Variants in SLC45A3 observed in about 807,000 individuals in gnomAD.
SLC45A3 encodes the protein prostate cancer associated protein 2.
Under a neutral mutation model 35.3 loss-of-function variants are expected in SLC45A3, and 17 were observed. That is an observed-to-expected ratio of 0.48 (90% CI 0.33 to 0.72). The LOEUF (loss-of-function observed/expected upper bound fraction) is 0.72, where lower values mean the gene tolerates loss of function less well. Among genes scored for constraint, SLC45A3 ranks in the 30% least tolerant of loss-of-function variants. SLC45A3 has a pLI of 0.02. For synonymous variants in SLC45A3, 288 were observed against 334.3 expected, an observed-to-expected ratio of 0.86 and a Z score of 1.51; for missense variants, 597 against 731.7, an observed-to-expected ratio of 0.82 and a Z score of 2.12.
chr1:205,664,877 C>T lies in SLC45A3; in HGVS notation c.-221G>A, dbSNP rs1307950445. ...GCACCTCAGTGGGGACACGTCTCAT[C>T]ACTCAGATCCTAGAAGGGCGGGGCA... On this transcript the variant is annotated 5_prime_UTR_variant, in exon 2 of 5. Transcript: ENST00000367145. The surrounding 1 kb of genome is among the most constrained non-coding windows in gnomAD (Gnocchi z 5.3). The T allele has an allele frequency of 7.2e-7, 1 of 1,391,904 alleles. No individual in the cohort carries two copies. Among genetic ancestry groups the T allele is most frequent in the East Asian group, 2.7e-5 (1 of 37,676 alleles). The allele number at this position is 1,391,904 out of a possible 1,614,324, so 86.2% of individuals were successfully genotyped here.
chr1:205,662,775 A>G lies in SLC45A3; in HGVS notation c.958+58T>C. On this transcript the variant is annotated intron_variant, in intron 3 of 4. Transcript: ENST00000367145. This position sits in a 1 kb window ranked among gnomAD's most constrained non-coding sequence, Gnocchi z 6.2. Reference sequence around the variant, plus strand: ...AGGCACCAGCCCAGACACAGCCCCGAGTGTCGTCTCTGGTGGGCGGCTCCC... The same window carrying G: ...AGGCACCAGCCCAGACACAGCCCCGGGTGTCGTCTCTGGTGGGCGGCTCCC... The G allele has an allele frequency of 6.6e-7, 1 of 1,519,446 alleles. No homozygotes were observed. Among genetic ancestry groups the G allele is most frequent in the South Asian group, 1.3e-5 (1 of 76,124 alleles). 94.1% of individuals were successfully genotyped at this position (1,519,446 alleles called of 1,614,324 possible).
At chr1:205,665,619 G>A (rs991240566) in intron 1 of SLC45A3, among the ~76,000 whole-genome samples, 1 of 152,128 alleles carries the variant, frequency 6.6e-6, no homozygotes, top group African/African-American at 2.4e-5. Flanking sequence ...CACACCACCT[G>A]GCAATACCTG....
rs1209860442 is a variant in SLC45A3, at chr1:205,662,885, C to A, written c.906G>T (p.Gln302His). The change falls in exon 3 of 5, where the codon CAG (glutamine) becomes CAT (histidine). Residue 302 changes from glutamine to histidine, a missense_variant. This residue lies in a region of SLC45A3 where 555 missense variants were observed against 664.9 expected (regional missense o/e 0.83). Transcript: ENST00000367145. This position sits in a 1 kb window ranked among gnomAD's most constrained non-coding sequence, Gnocchi z 6.2. Reference sequence around the variant, plus strand: ...TGCCCGGCTCAGCTCTGGGCACGCCCTGGTACAGCCCCTCGCCCACGAAAT... The same window carrying A: ...TGCCCGGCTCAGCTCTGGGCACGCCATGGTACAGCCCCTCGCCCACGAAAT... ...YTDFVGEGLY[Q>H]GVPRAEPGTE... 3 of 1,611,510 alleles carry A rather than the reference C, an allele frequency of 1.9e-6. No individual in the cohort carries two copies. The East Asian group carries it at 6.7e-5, about 36-fold the overall frequency.
At chr1:205,678,381 G>A (rs1317402012) in intron 1 of SLC45A3, among the ~76,000 whole-genome samples, 1 of 152,194 alleles carries the variant, frequency 6.6e-6, no homozygotes, top group East Asian at 1.9e-4. Context: ...AGGCTGTGAC[G>A]TCCAGATGAT....
In SLC45A3 at chr1:205,669,953, G is replaced by A. The variant is rs2102407279; in HGVS notation, c.-230-5067C>T. On this transcript the variant is annotated intron_variant, in intron 1 of 4. Transcript: ENST00000367145. This position sits in a 1 kb window ranked among gnomAD's most constrained non-coding sequence, Gnocchi z 4.1. Reference sequence around the variant, plus strand: ...CTTGCTCCAAACTGAGCTCTCCAGGGTCCTCTAGGTTGGGGGCAGGGAGTG... The same window carrying A: ...CTTGCTCCAAACTGAGCTCTCCAGGATCCTCTAGGTTGGGGGCAGGGAGTG... Among the ~76,000 whole-genome samples, 1 of 152,334 alleles carries A rather than the reference G, an allele frequency of 6.6e-6. No homozygotes were observed. Among genetic ancestry groups the A allele is most frequent in the African/African-American group, 2.4e-5 (1 of 41,578 alleles).
Position 205,662,499 on chromosome 1 carries a change from G to A in SLC45A3, c.958+334C>T. The A allele has an allele frequency of 1.6e-6, 2 of 1,287,584 alleles. No individual in the cohort carries two copies. Among genetic ancestry groups the A allele is most frequent in the Non-Finnish European group, 2.0e-6 (2 of 1,018,312 alleles). 79.8% of individuals were successfully genotyped at this position (1,287,584 alleles called of 1,614,324 possible). A position where few individuals can be genotyped will look rare whatever the true frequency, so the allele number is the denominator to read the frequency against. ...GATTATTTGGAAAGTCGTTGGGGGA[G>A]CAGAGGGCACACTGCGGCTGGAACC... On this transcript the variant is annotated intron_variant, in intron 3 of 4. Coordinates refer to ENST00000367145, the MANE Select transcript of SLC45A3 (RefSeq NM_033102.3). The surrounding 1 kb of genome is among the most constrained non-coding windows in gnomAD (Gnocchi z 6.2).
At chr1:205,679,343 C>A (rs904633958) in intron 1 of SLC45A3, among the ~76,000 whole-genome samples, 10 of 152,232 alleles carry the variant, frequency 6.6e-5, no homozygotes, top group East Asian at 1.9e-4. Flanking sequence ...TGGGGAAAAG[C>A]TGAGCAGGTC....
At chr1:205,670,290 A>T (rs931661267) in intron 1 of SLC45A3, among the ~76,000 whole-genome samples, 2 of 152,196 alleles carry the variant, frequency 1.3e-5, no homozygotes, top group African/African-American at 4.8e-5. Context: ...ACACGGCATT[A>T]GACAACCACG....
chr1:205,679,158 A>G (rs2102412150), intron 1 of SLC45A3, among the ~76,000 whole-genome samples: 1 of 151,830 alleles, frequency 6.6e-6, no homozygotes, highest in South Asian at 2.1e-4. Flanking sequence ...CCGGCTGCAG[A>G]CTCCAGGGCA....
chr1:205,671,864 T>TGAAA (rs1553248260), intron 1 of SLC45A3, among the ~76,000 whole-genome samples: 1 of 151,374 alleles, frequency 6.6e-6, no homozygotes, highest in African/African-American at 2.4e-5. Flanking sequence ...TGACTCTGTC[T>TGAAA]CAAACAAACA....
At position 205,662,681 on chromosome 1, in the gene SLC45A3, T is replaced by A. The variant is rs188384710; in HGVS notation, c.958+152A>T. 2 of 1,420,868 alleles carry A rather than the reference T, an allele frequency of 1.4e-6. No homozygotes were observed. Among genetic ancestry groups the A allele is most frequent in the South Asian group, 3.3e-5 (2 of 60,228 alleles). 88.0% of individuals were successfully genotyped at this position (1,420,868 alleles called of 1,614,324 possible). On this transcript the variant is annotated intron_variant, in intron 3 of 4. Transcript: ENST00000367145. The surrounding 1 kb of genome is among the most constrained non-coding windows in gnomAD (Gnocchi z 6.2). ...CGCAAGCAGAGATGTTCCACACCCA[T>A]GAGAAGCCGTGTATGCAGATGGGGT...
chr1:205,660,770 C>T (rs1160561987), intron 4 of SLC45A3, among the ~76,000 whole-genome samples: 1 of 151,964 alleles, frequency 6.6e-6, no homozygotes, highest in African/African-American at 2.4e-5. Context: ...CAGGCCTGGC[C>T]GCTGATGCCA....
chr1:205,664,000 CA>C (rs1170002133), intron 2 of SLC45A3, among the ~76,000 whole-genome samples: 1 of 152,082 alleles, frequency 6.6e-6, no homozygotes, highest in African/African-American at 2.4e-5. Context: ...AATTTATCTG[CA>C]GAGTCAGGAG....
In SLC45A3 at chr1:205,666,763, T is replaced by A. The variant is rs1298426268; in HGVS notation, c.-230-1877A>T. On this transcript the variant is annotated intron_variant, in intron 1 of 4. Transcript: ENST00000367145. This position sits in a 1 kb window ranked among gnomAD's most constrained non-coding sequence, Gnocchi z 4.1. Reference sequence around the variant, plus strand: ...AGGAAGGTGGAAGGCCAGACCTCAGTCTTAGCTGAGCTGTCATAGGTTCAA... The same window carrying A: ...AGGAAGGTGGAAGGCCAGACCTCAGACTTAGCTGAGCTGTCATAGGTTCAA... Among the ~76,000 whole-genome samples, 73 of 152,156 alleles carry A rather than the reference T, an allele frequency of 4.8e-4. No individual in the cohort carries two copies. Among genetic ancestry groups the A allele is most frequent in the Non-Finnish European group, 2.9e-5 (2 of 68,032 alleles).
At chr1:205,675,801 ACCT>A (rs1450260075) in intron 1 of SLC45A3, among the ~76,000 whole-genome samples, 1 of 150,536 alleles carries the variant, frequency 6.6e-6, no homozygotes, top group Non-Finnish European at 1.5e-5. Context: ...CCAATCTCAC[ACCT>A]CCTCCACAGC....
Position 205,663,435 on chromosome 1 carries a change from G to C in SLC45A3, c.356C>G (p.Pro119Arg). The change falls in exon 3 of 5, where the codon CCC (proline) becomes CGC (arginine). Residue 119 changes from proline to arginine, a missense_variant. Around this residue, in one of 3 missense-constraint regions of SLC45A3, gnomAD observed 555 missense variants for 664.9 expected, o/e 0.83. Transcript: ENST00000367145. ...LAGLLCPDPR[P>R]LELALLILGV... The stretch of plus-strand genomic sequence containing the variant: ...CAGGATGAGCAGTGCCAGCTCCAGG[G>C]GCCTGGGATCCGGGCACAGCAGCCC... 6.2e-7 allele frequency: 1 copy of C among 1,612,874 alleles called. No homozygotes were observed. The highest frequency in any genetic ancestry group is 8.5e-7 in the Non-Finnish European group (1 of 1,179,790).
chr1:205,667,196 C>G (rs1267241482), intron 1 of SLC45A3, among the ~76,000 whole-genome samples: 1 of 151,866 alleles, frequency 6.6e-6, no homozygotes, highest in African/African-American at 2.4e-5. Flanking sequence ...TAGAAAGACC[C>G]TGTTTCTACA....
chr1:205,678,844 G>T (rs1205117577), intron 1 of SLC45A3, among the ~76,000 whole-genome samples: 1 of 152,198 alleles, frequency 6.6e-6, no homozygotes, highest in African/African-American at 2.4e-5. Context: ...TGATCCAACA[G>T]AATGGCCTGC....
chr1:205,662,519 G>C lies in SLC45A3; in HGVS notation c.958+314C>G. 7.8e-7 allele frequency: 1 copy of C among 1,288,316 alleles called. No individual in the cohort carries two copies. The highest frequency in any genetic ancestry group is 9.8e-7 in the Non-Finnish European group (1 of 1,019,040). The allele number at this position is 1,288,316 out of a possible 1,614,324, so 79.8% of individuals were successfully genotyped here. ...GGGGAGCAGAGGGCACACTGCGGCT[G>C]GAACCAGGCAGATCTGAAATCCAGC... On this transcript the variant is annotated intron_variant, in intron 3 of 4. Transcript: ENST00000367145. This position sits in a 1 kb window ranked among gnomAD's most constrained non-coding sequence, Gnocchi z 6.2.
Sources: gnomAD v4.1 joint callset for allele counts (sites outside exome capture counted in the v4.1 genomes callset) on GRCh38, gnomAD v4.1.1 for gene constraint, gnomAD v4.1.1 regional missense constraint, Gnocchi (gnomAD v3.1) non-coding constraint, MANE v1.5 for transcripts, NCBI Gene and HGNC (gene_info 2026-07-23, HGNC 2026-07-21) for gene names.